POLD3: variants seen among roughly 807,000 people sequenced by gnomAD.
POLD3 encodes DNA polymerase delta 3, accessory subunit, also known as DNA polymerase delta subunit 3.
POLD3 carries 19 observed loss-of-function variants against 58.2 expected under a neutral mutation model. The ratio of observed to expected loss-of-function variants is 0.33; its 90% CI spans 0.23 to 0.48. The LOEUF is 0.48. POLD3 is among the 20% of genes least tolerant of loss of function. POLD3 has a pLI of 0.99. For synonymous variants in POLD3, 172 were observed against 193.5 expected (o/e 0.89, Z 0.92); for missense variants, 504 against 545.5 (o/e 0.92, Z 0.76).
At chr11:74,614,797 G>A (rs754866077) in intron 5 of POLD3, among the ~76,000 whole-genome samples, 35 of 152,046 alleles carry the variant, frequency 2.3e-4, no homozygotes, top group Non-Finnish European at 1.0e-4. Context: ...TCTTGGTATT[G>A]AAAGGTTGAT....
intron 3 of POLD3, among the ~76,000 whole-genome samples, chr11:74,609,351 T>G (rs1224962038): frequency 2.7e-5 from 1 of 37,398 alleles, no homozygotes; most frequent in Non-Finnish European, 4.3e-5. Context: ...TTTTGATATA[T>G]ATATATATAT....
At chr11:74,607,242 A>AT (rs1230699003) in intron 3 of POLD3, among the ~76,000 whole-genome samples, 4 of 100,668 alleles carry the variant, frequency 4.0e-5, no homozygotes, top group African/African-American at 1.0e-4. Context: ...TATTATTATT[A>AT]TATATTTATT....
intron 10 of POLD3, among the ~76,000 whole-genome samples, chr11:74,635,911 C>T (rs1224772013): frequency 6.6e-6 from 1 of 152,200 alleles, no homozygotes; most frequent in Non-Finnish European, 1.5e-5. Flanking sequence ...ACCATGCTGC[C>T]TGCACTACCC....
chr11:74,667,076 G>A (rs111643187), intron 4 of POLD3, among the ~76,000 whole-genome samples: 227 of 152,286 alleles, frequency 1.5e-3, no homozygotes, highest in African/African-American at 5.0e-3. Context: ...AATAAAGTTA[G>A]GCCCCTTTCT....
intron 8 of POLD3, chr11:74,628,836 T>C (rs2032505286): frequency 6.4e-6 from 1 of 156,266 alleles, no homozygotes; most frequent in African/African-American, 2.4e-5. Flanking sequence ...CAGTATTTTC[T>C]TCTGTATTGT....
At chr11:74,613,554 C>T (rs1449353063) in intron 5 of POLD3, among the ~76,000 whole-genome samples, 1 of 152,074 alleles carries the variant, frequency 6.6e-6, no homozygotes, top group Non-Finnish European at 1.5e-5. Context: ...AGCCCAGTGG[C>T]ATTGGACAAA....
intron 5 of POLD3, among the ~76,000 whole-genome samples, chr11:74,617,204 G>A (rs1025043565): frequency 1.6e-4 from 24 of 152,086 alleles, no homozygotes; most frequent in African/African-American, 5.8e-4. Context: ...TGTGTGAAAC[G>A]GCACTTCTAT....
chr11:74,628,843 T>C (rs967888031), intron 8 of POLD3: 2 of 158,130 alleles, frequency 1.3e-5, no homozygotes, highest in African/African-American at 2.4e-5. Flanking sequence ...TTCTTCTGTA[T>C]TGTTGCATTC....
intron 7 of POLD3, among the ~76,000 whole-genome samples, chr11:74,622,573 C>CT (rs1305053424): frequency 1.3e-5 from 2 of 152,212 alleles, no homozygotes; most frequent in African/African-American, 2.4e-5. Context: ...AAAATTATGA[C>CT]TTTTTTATTG....
At chr11:74,606,140 T>C (rs1316089727) in intron 3 of POLD3, among the ~76,000 whole-genome samples, 1 of 152,238 alleles carries the variant, frequency 6.6e-6, no homozygotes, top group Non-Finnish European at 1.5e-5. Flanking sequence ...CCTATCCTTA[T>C]ACTCTCTAGC....
intron 2 of POLD3, among the ~76,000 whole-genome samples, chr11:74,598,265 G>A (rs925451320): frequency 3.3e-5 from 5 of 152,172 alleles, no homozygotes; most frequent in African/African-American, 1.2e-4. Flanking sequence ...TGTGTATGGT[G>A]TAAGGAAAGG....
intron 8 of POLD3, 115 bp downstream of exon 8, chr11:74,625,688 T>A: frequency 1.3e-6 from 1 of 791,216 alleles, no homozygotes; most frequent in Non-Finnish European, 2.0e-6. Context: ...ACTTAATGCC[T>A]AAGGGATACA....
downstream of POLD3, among the ~76,000 whole-genome samples, chr11:74,646,726 G>A (rs1409259019): frequency 1.3e-5 from 2 of 152,228 alleles, no homozygotes; most frequent in Non-Finnish European, 2.9e-5. Context: ...CCCTGTTTAA[G>A]CTATGCTACA....
intron 2 of POLD3, among the ~76,000 whole-genome samples, chr11:74,603,988 G>A (rs2031589487): frequency 6.6e-6 from 1 of 152,088 alleles, no homozygotes; most frequent in Non-Finnish European, 1.5e-5. Context: ...TTAGTATTTG[G>A]CTATCTCAGG....
rs1319666354 is a variant in POLD3 at position 74,629,346 on chromosome 11, G to T, written c.1006+23G>T. The T allele has an allele frequency of 2.2e-6, 3 of 1,361,070 alleles. No homozygotes were observed. In the African/African-American group the frequency reaches 4.4e-5, roughly 20 times the overall value. 84.3% of individuals were successfully genotyped at this position (1,361,070 alleles called of 1,614,324 possible). ...AAGGTGGGCATTACCATTCATTTTGGGTTAGGGGGATCAATTTTACTTTCA... is the reference window on the plus strand; with the variant it reads ...AAGGTGGGCATTACCATTCATTTTGTGTTAGGGGGATCAATTTTACTTTCA... On this transcript the variant is annotated intron_variant, in intron 9 of 11. Transcript: ENST00000263681.
intron 3 of POLD3, among the ~76,000 whole-genome samples, chr11:74,610,631 C>T (rs1025261356): frequency 1.4e-5 from 2 of 145,796 alleles, no homozygotes; most frequent in Admixed American, 6.7e-5. Flanking sequence ...TTTGTACTTA[C>T]GTTTTTTTTT....
chr11:74,645,787 T>C (rs2135189818), downstream of POLD3, among the ~76,000 whole-genome samples: 1 of 152,324 alleles, frequency 6.6e-6, no homozygotes, highest in Non-Finnish European at 1.5e-5. Flanking sequence ...ATGAGAAAAC[T>C]GCGGCAAAGG....
At chr11:74,618,865 T>A in intron 6 of POLD3, 61 bp downstream of exon 6, 1 of 1,403,670 alleles carries the variant, frequency 7.1e-7, no homozygotes, top group Non-Finnish European at 9.8e-7. Flanking sequence ...AGAAAAGCAT[T>A]AATGGTTGCA....
At chr11:74,646,909 C>T (rs1382935051), downstream of POLD3, among the ~76,000 whole-genome samples, 1 of 152,192 alleles carries the variant, frequency 6.6e-6, no homozygotes, top group African/African-American at 2.4e-5. Context: ...CAGTGGTCCC[C>T]AACCTTTTTG....
Sources: gnomAD v4.1 joint callset for allele counts (sites outside exome capture counted in the v4.1 genomes callset) on GRCh38, gnomAD v4.1.1 for gene constraint, MANE v1.5 for transcripts, NCBI Gene and HGNC (gene_info 2026-07-23, HGNC 2026-07-21) for gene names.